GAPVD1: variants seen among roughly 807,000 people sequenced by gnomAD.
GAPVD1 encodes GTPase-activating protein and VPS9 domain-containing protein 1.
Under a neutral mutation model 155.5 loss-of-function variants are expected in GAPVD1, and 35 were observed. That is an observed-to-expected ratio of 0.23 (90% CI 0.17 to 0.30). The LOEUF (loss-of-function observed/expected upper bound fraction) is 0.30, where lower values mean the gene tolerates loss of function less well. Ranked by LOEUF, GAPVD1 falls within the 10% of genes least tolerant of loss-of-function variation. GAPVD1 has a pLI of 1.00. For synonymous variants in GAPVD1, 636 were observed against 619.7 expected (o/e 1.03, Z -0.39); for missense variants, 1,429 against 1,775.7 (o/e 0.80, Z 3.51).
chr9:125,362,441 C>T (rs1313360408), intron 27 of GAPVD1, among the ~76,000 whole-genome samples, 165 bp from the exon 28 acceptor site: 4 of 152,192 alleles, frequency 2.6e-5, no homozygotes, highest in Non-Finnish European at 5.9e-5. Flanking sequence ...TATTGCTACT[C>T]ATGGAAACTA....
chr9:125,347,159 C>T (rs1368239909), intron 20 of GAPVD1, among the ~76,000 whole-genome samples: 1 of 152,138 alleles, frequency 6.6e-6, no homozygotes, highest in African/African-American at 2.4e-5. Context: ...TTAGAGTTGT[C>T]CTCCTTTGCA....
At chr9:125,301,395 A>G (rs967468518) in intron 4 of GAPVD1, among the ~76,000 whole-genome samples, 70 of 151,920 alleles carry the variant, frequency 4.6e-4, no homozygotes, top group African/African-American at 1.6e-3. Flanking sequence ...TTAATCCATA[A>G]GAGGGCAGCT....
rs5900652 is a variant in GAPVD1 at position 125,365,318 on chromosome 9, A to ATTTTTTTTTTTTT, written c.*2577_*2589dup. 6.9e-6 allele frequency: 1 copy of ATTTTTTTTTTTTT among 144,114 alleles called. No homozygotes were observed. The allele number at this position is 144,114 out of a possible 1,614,324, so 8.9% of individuals were successfully genotyped here. ...GGTATGTGAGATGGGGAGTGATTTG[A>ATTTTTTTTTTTTT]TTTTTTTTTTTTTTTTTAATAGAAA... On this transcript the variant is annotated 3_prime_UTR_variant, in exon 28 of 28. Transcript: ENST00000297933.
intron 2 of GAPVD1, among the ~76,000 whole-genome samples, chr9:125,270,714 C>T (rs929616157): frequency 6.6e-6 from 1 of 151,988 alleles, no homozygotes; most frequent in Non-Finnish European, 1.5e-5. Flanking sequence ...GAGGCTGAGG[C>T]GGGTGGATCA....
chr9:125,303,404 G>A (rs1484728027), intron 5 of GAPVD1, among the ~76,000 whole-genome samples: 1 of 151,570 alleles, frequency 6.6e-6, no homozygotes, highest in Non-Finnish European at 1.5e-5. Context: ...GCCAAGGTGG[G>A]TAGATCGTTT....
intron 25 of GAPVD1, 90 bp downstream of exon 25, chr9:125,355,947 G>A: frequency 8.3e-6 from 6 of 720,498 alleles, no homozygotes; most frequent in African/African-American, 1.7e-5. Context: ...GTGTAACTTA[G>A]TGTCTGATTG....
intron 1 of GAPVD1, among the ~76,000 whole-genome samples, chr9:125,268,454 TCA>T (rs1213413392): frequency 6.6e-6 from 1 of 151,872 alleles, no homozygotes; most frequent in African/African-American, 2.4e-5. Context: ...AATGTATGCT[TCA>T]GTTTCATTAG....
intron 1 of GAPVD1, chr9:125,263,826 G>A (rs1833380301): frequency 1.8e-6 from 2 of 1,121,824 alleles, no homozygotes; most frequent in South Asian, 1.2e-5. Context: ...TATGGCGTAG[G>A]GTAGCAGGTA....
At chr9:125,342,020 A>G in intron 18 of GAPVD1, 199 bp from the exon 19 acceptor site, 1 of 503,624 alleles carries the variant, frequency 2.0e-6, no homozygotes, top group Middle Eastern at 5.4e-4. Context: ...TTCCTATGAC[A>G]GATGACTCCG....
intron 9 of GAPVD1, among the ~76,000 whole-genome samples, chr9:125,315,869 C>T (rs956288401): frequency 1.3e-5 from 2 of 152,090 alleles, no homozygotes; most frequent in Non-Finnish European, 2.9e-5. Flanking sequence ...TCCAAGCTCT[C>T]ACTGCTGGGT....
Position 125,360,523 on chromosome 9 carries a change from C to A in GAPVD1, c.4045-5C>A. The A allele has an allele frequency of 6.2e-7, 1 of 1,612,560 alleles. No individual in the cohort carries two copies. Among genetic ancestry groups the A allele is most frequent in the Non-Finnish European group, 8.5e-7 (1 of 1,178,680 alleles). On this transcript the variant is annotated splice_region_variant and splice_polypyrimidine_tract_variant and intron_variant, in intron 26 of 27. Coordinates refer to ENST00000297933, the MANE Select transcript of GAPVD1 (RefSeq NM_001282680.3). ...AATCTGTATATTGTCTATGGTCTCA[C>A]TTAGGTTTATCTTCGAGAAGCACCA...
At chr9:125,316,733 A>G (rs1272889400) in intron 9 of GAPVD1, among the ~76,000 whole-genome samples, 1 of 152,176 alleles carries the variant, frequency 6.6e-6, no homozygotes, top group Non-Finnish European at 1.5e-5. Flanking sequence ...AGAATGATTT[A>G]TAATCCTTTG....
At chr9:125,321,330 T>C in intron 9 of GAPVD1, 103 bp from the exon 10 acceptor site, 2 of 756,532 alleles carry the variant, frequency 2.6e-6, no homozygotes, top group Non-Finnish European at 2.2e-6. Flanking sequence ...TAGTTAAAAA[T>C]TGATAATTTA....
chr9:125,293,760 A>G (rs1206489728), intron 2 of GAPVD1, among the ~76,000 whole-genome samples: 2 of 101,626 alleles, frequency 2.0e-5, no homozygotes, highest in East Asian at 2.5e-4. Flanking sequence ...AAATATATAC[A>G]TTTTTATATT....
At chr9:125,321,362 AT>A (rs1844314778) in intron 9 of GAPVD1, 70 bp from the exon 10 acceptor site, 3 of 1,084,954 alleles carry the variant, frequency 2.8e-6, no homozygotes, top group Middle Eastern at 2.0e-4. Context: ...TTAAATATGC[AT>A]TTGCTGTGGT....
At chr9:125,291,135 A>G (rs915177284) in intron 2 of GAPVD1, among the ~76,000 whole-genome samples, 1 of 152,116 alleles carries the variant, frequency 6.6e-6, no homozygotes, top group African/African-American at 2.4e-5. Flanking sequence ...GAAAAATAGA[A>G]GAAGATAGCT....
At chr9:125,288,568 G>A (rs982756903) in intron 2 of GAPVD1, among the ~76,000 whole-genome samples, 3 of 151,854 alleles carry the variant, frequency 2.0e-5, no homozygotes, top group Non-Finnish European at 2.9e-5. Context: ...AAGAGACAGA[G>A]GTCTCACTAT....
intron 11 of GAPVD1, among the ~76,000 whole-genome samples, chr9:125,324,278 A>C (rs1203824036): frequency 2.6e-5 from 4 of 152,166 alleles, no homozygotes; most frequent in Non-Finnish European, 5.9e-5. Flanking sequence ...TCTGAGTGAG[A>C]GATACATATG....
chr9:125,344,946 T>G (rs1354267264), intron 19 of GAPVD1, among the ~76,000 whole-genome samples: 2 of 152,226 alleles, frequency 1.3e-5, no homozygotes, highest in East Asian at 3.8e-4. Context: ...AATACTGTTA[T>G]AGCAAAAATA....
Sources: allele counts gnomAD v4.1 joint callset (sites outside exome capture counted in the v4.1 genomes callset), GRCh38; gene constraint gnomAD v4.1.1; transcripts MANE v1.5; gene names NCBI Gene and HGNC (gene_info 2026-07-23, HGNC 2026-07-21).